CDC14A: variants seen among roughly 807,000 people sequenced by gnomAD.
CDC14A encodes dual specificity protein phosphatase CDC14A.
A neutral mutation model predicts 74.4 loss-of-function variants in CDC14A; 53 were observed. The observed-to-expected ratio is 0.71, with a 90% CI of 0.57 to 0.89. The LOEUF (loss-of-function observed/expected upper bound fraction) is 0.89. Ranked by LOEUF, CDC14A falls within the 40% of genes least tolerant of loss-of-function variation. CDC14A has a pLI of 0.00. For missense variants in CDC14A, 646 were observed against 713.7 expected, an observed-to-expected ratio of 0.91 and a Z score of 1.08; for synonymous variants, 247 against 258.4, an observed-to-expected ratio of 0.96 and a Z score of 0.43.
intron 4 of CDC14A, among the ~76,000 whole-genome samples, chr1:100,419,349 G>A (rs540631752): frequency 6.6e-6 from 1 of 152,284 alleles, no homozygotes; most frequent in South Asian, 2.1e-4. Flanking sequence ...TGAGAAAGGG[G>A]GATGTTGGGA....
chr1:100,412,738 T>TA (rs1491428571), intron 4 of CDC14A, among the ~76,000 whole-genome samples: 29 of 97,344 alleles, frequency 3.0e-4, no homozygotes, highest in African/African-American at 1.3e-3. Context: ...TATATATATA[T>TA]TTTATATATA....
rs28364884 is a variant in CDC14A, at chr1:100,462,862, C to T, written c.819C>T (p.Ala273=). The T allele has an allele frequency of 6.2e-7, 1 of 1,613,762 alleles. No individual in the cohort carries two copies. Among genetic ancestry groups the T allele is most frequent in the Non-Finnish European group, 8.5e-7 (1 of 1,179,814 alleles). The stretch of plus-strand genomic sequence containing the variant: ...ACATCTGTGAGAACACCGAAGGGGC[C>T]ATCGCCGTTCACTGCAAAGGTGTGT... ...FLNICENTEG[A]IAVHCKAGLG... The change falls in exon 9 of 16, where the codon GCC becomes GCT. Residue 273 remains alanine, a synonymous_variant. Coordinates refer to ENST00000336454, the MANE Select transcript of CDC14A (RefSeq NM_003672.4).
chr1:100,470,314 A>G (rs1668266211), intron 10 of CDC14A, among the ~76,000 whole-genome samples: 1 of 152,146 alleles, frequency 6.6e-6, no homozygotes, highest in African/African-American at 2.4e-5. Flanking sequence ...AGATAAAAAT[A>G]ATCTATGAAA....
At position 100,390,715 on chromosome 1, in the gene CDC14A, T is replaced by C. The variant is rs1435083051; in HGVS notation, c.217-17T>C. The C allele has an allele frequency of 6.5e-7, 1 of 1,534,450 alleles. No homozygotes were observed. Among genetic ancestry groups the C allele is most frequent in the Non-Finnish European group, 9.0e-7 (1 of 1,109,136 alleles). ...GTCTCTATGGTTACACTAACTCTTT[T>C]TATCTCCTCTTTCTAGTCATACAGT... On this transcript the variant is annotated splice_polypyrimidine_tract_variant and intron_variant, in intron 3 of 15. Coordinates refer to ENST00000336454, the MANE Select transcript of CDC14A (RefSeq NM_003672.4).
chr1:100,370,192 A>T (rs1020662432), intron 2 of CDC14A, among the ~76,000 whole-genome samples: 1 of 152,022 alleles, frequency 6.6e-6, no homozygotes. Flanking sequence ...TATGTTGCCC[A>T]GGCCGGTCTT....
chr1:100,489,633 A>G (rs1432419), intron 11 of CDC14A, among the ~76,000 whole-genome samples: 62,324 of 150,932 alleles, frequency 0.41, 13,490 homozygotes, highest in South Asian at 0.48. Context: ...AGTTTACTAA[A>G]TGATATTACT....
At chr1:100,442,366 T>C (rs1375714595) in intron 6 of CDC14A, among the ~76,000 whole-genome samples, 1 of 146,130 alleles carries the variant, frequency 6.8e-6, no homozygotes, top group African/African-American at 2.5e-5. Flanking sequence ...TTATATATAG[T>C]ATATATAAAT....
intron 3 of CDC14A, among the ~76,000 whole-genome samples, chr1:100,384,727 G>A (rs947221506): frequency 1.3e-5 from 2 of 152,202 alleles, no homozygotes; most frequent in African/African-American, 4.8e-5. Flanking sequence ...CTTAAACACT[G>A]TTTAAAAAAT....
intron 8 of CDC14A, among the ~76,000 whole-genome samples, chr1:100,462,209 C>T (rs1414187802): frequency 2.0e-5 from 3 of 152,120 alleles, no homozygotes; most frequent in Non-Finnish European, 4.4e-5. Context: ...TTCTGGGGAG[C>T]ATTGTACTAC....
chr1:100,364,261 G>T (rs1653226318), intron 2 of CDC14A, among the ~76,000 whole-genome samples: 1 of 151,400 alleles, frequency 6.6e-6, no homozygotes, highest in Non-Finnish European at 1.5e-5. Flanking sequence ...AGGCTGGAGT[G>T]CAGTGGCCCG....
At chr1:100,382,629 A>G (rs931997747) in intron 3 of CDC14A, among the ~76,000 whole-genome samples, 1 of 152,036 alleles carries the variant, frequency 6.6e-6, no homozygotes, top group Non-Finnish European at 1.5e-5. Context: ...AAAAGGGGAC[A>G]TTTTCTAGGG....
At chr1:100,425,496 C>T (rs1350417886) in intron 5 of CDC14A, among the ~76,000 whole-genome samples, 1 of 152,108 alleles carries the variant, frequency 6.6e-6, no homozygotes, top group Non-Finnish European at 1.5e-5. Flanking sequence ...GACTAAATCC[C>T]TTAAGAGTCA....
At chr1:100,454,953 G>A (rs975447801) in intron 7 of CDC14A, among the ~76,000 whole-genome samples, 1 of 152,084 alleles carries the variant, frequency 6.6e-6, no homozygotes, top group African/African-American at 2.4e-5. Flanking sequence ...AGAGATAACA[G>A]CCCTATAAAA....
chr1:100,428,867 T>C (rs1348831554), intron 5 of CDC14A, among the ~76,000 whole-genome samples: 1 of 152,180 alleles, frequency 6.6e-6, no homozygotes, highest in Non-Finnish European at 1.5e-5. Context: ...TTGGTACGTT[T>C]TTTAGTATTG....
chr1:100,502,890 T>G (rs1226505525), intron 15 of CDC14A, among the ~76,000 whole-genome samples: 1 of 152,244 alleles, frequency 6.6e-6, no homozygotes, highest in African/African-American at 2.4e-5. Flanking sequence ...ATAGTCTGTG[T>G]GGGCAGTTGC....
intron 3 of CDC14A, 129 bp downstream of exon 3, chr1:100,377,750 T>G (rs1261611890): frequency 3.5e-5 from 22 of 625,380 alleles, no homozygotes; most frequent in Non-Finnish European, 6.1e-5. Context: ...TGTGAGTAGT[T>G]CACCTAGAGT....
rs141083425 is a variant in CDC14A, at chr1:100,500,956, G to A, written c.1755+1694G>A. Among the ~76,000 whole-genome samples, 265 of 151,748 alleles carry A rather than the reference G, an allele frequency of 1.7e-3. 4 individuals are homozygous for A. Among genetic ancestry groups the A allele is most frequent in the African/African-American group, 6.0e-3 (247 of 41,364 alleles). On this transcript the variant is annotated intron_variant, in intron 15 of 15. Transcript: ENST00000336454. ...CCACTCTCAACCCATTCCCTAAGAG[G>A]AGCCTGGCATATCTGATGTTCCCTG...
chr1:100,442,365 G>GTATATATAAATATATACTATATAT (rs1332334627), intron 6 of CDC14A, among the ~76,000 whole-genome samples: 23 of 144,002 alleles, frequency 1.6e-4, no homozygotes, highest in East Asian at 9.9e-4. Context: ...ATTATATATA[G>GTATATATAAATATATACTATATAT]TATATATAAA....
At chr1:100,386,445 C>T (rs1656878434) in intron 3 of CDC14A, among the ~76,000 whole-genome samples, 1 of 152,116 alleles carries the variant, frequency 6.6e-6, no homozygotes, top group South Asian at 2.1e-4. Flanking sequence ...AGAAAATAAT[C>T]TGTAATAGAG....
Sources: gnomAD v4.1 joint callset for allele counts (sites outside exome capture counted in the v4.1 genomes callset) on GRCh38, gnomAD v4.1.1 for gene constraint, MANE v1.5 for transcripts, NCBI Gene and HGNC (gene_info 2026-07-23, HGNC 2026-07-21) for gene names.